HDX: variants seen among roughly 807,000 people sequenced by gnomAD.
The protein encoded by HDX is chromosome X open reading frame 43.
A neutral mutation model predicts 45.2 loss-of-function variants in HDX; 19 were observed. The ratio of observed to expected loss-of-function variants is 0.42; its 90% confidence interval spans 0.29 to 0.62. The LOEUF (loss-of-function observed/expected upper bound fraction) is 0.62. HDX is among the 20% of genes least tolerant of loss of function. HDX has a pLI of 0.20. For missense variants in HDX, 532 were observed against 493.9 expected (o/e 1.08, Z -0.73); for synonymous variants, 188 against 172.8 (o/e 1.09, Z -0.69).
chrX:84,366,802 A>G (rs1413413539), intron 5 of HDX, among the ~76,000 whole-genome samples: 1 of 112,092 alleles, frequency 8.9e-6, no homozygotes, highest in Non-Finnish European at 1.9e-5. Flanking sequence ...CCATATGCAG[A>G]AAACTGAAAC....
At chrX:84,493,441 T>C (rs1365188119) in intron 1 of HDX, among the ~76,000 whole-genome samples, 1 of 112,193 alleles carries the variant, frequency 8.9e-6, no homozygotes, top group Non-Finnish European at 1.9e-5. Context: ...ATTATGTAAT[T>C]AATATTCAGT....
chrX:84,475,595 C>G (rs1219571705), intron 2 of HDX, among the ~76,000 whole-genome samples, 198 bp from the exon 3 acceptor site: 1 of 111,057 alleles, frequency 9.0e-6, no homozygotes, highest in Non-Finnish European at 1.9e-5. Context: ...AGTGCAAACA[C>G]TTATTGAATT....
chrX:84,417,402 TAAG>T (rs941992891), intron 5 of HDX, among the ~76,000 whole-genome samples: 8 of 111,581 alleles, frequency 7.2e-5, no homozygotes, highest in African/African-American at 2.6e-4. Flanking sequence ...GAGAAATGGG[TAAG>T]AAGAACAATT....
chrX:84,413,934 G>T (rs1330934939), intron 5 of HDX, among the ~76,000 whole-genome samples: 1 of 111,232 alleles, frequency 9.0e-6, no homozygotes, highest in Non-Finnish European at 1.9e-5. Flanking sequence ...TGATTTAAAT[G>T]ATGAAAAATA....
At chrX:84,375,153 A>T (rs777384175) in intron 5 of HDX, among the ~76,000 whole-genome samples, 1 of 105,134 alleles carries the variant, frequency 9.5e-6, no homozygotes, top group Non-Finnish European at 1.9e-5. Context: ...AATGCTCACC[A>T]TCACTGGCCA....
intron 5 of HDX, among the ~76,000 whole-genome samples, chrX:84,420,188 T>G (rs1325496585): frequency 8.9e-6 from 1 of 112,134 alleles, no homozygotes; most frequent in Non-Finnish European, 1.9e-5. Flanking sequence ...AACAGAGATA[T>G]GCGAATTTTT....
At chrX:84,448,066 C>A (rs953597854) in intron 4 of HDX, among the ~76,000 whole-genome samples, 6 of 111,968 alleles carry the variant, frequency 5.4e-5, no homozygotes, top group Admixed American at 9.4e-5. Flanking sequence ...GACAGGCCTT[C>A]CTGGCTCAGC....
At chrX:84,426,879 T>C (rs913256153) in intron 5 of HDX, among the ~76,000 whole-genome samples, 1 of 110,725 alleles carries the variant, frequency 9.0e-6, no homozygotes, top group African/African-American at 3.3e-5. Context: ...TTTCATTATG[T>C]ATATCTATAT....
At chrX:84,370,291 A>G (rs966583388) in intron 5 of HDX, among the ~76,000 whole-genome samples, 2 of 111,572 alleles carry the variant, frequency 1.8e-5, no homozygotes, top group African/African-American at 6.5e-5. Flanking sequence ...GACTGAGACC[A>G]ATACTACATA....
chrX:84,410,671 T>G (rs970549984), intron 5 of HDX, among the ~76,000 whole-genome samples: 2 of 111,757 alleles, frequency 1.8e-5, no homozygotes, highest in Non-Finnish European at 3.8e-5. Context: ...AGGATAAAAC[T>G]AGCTACATAG....
intron 4 of HDX, 34 bp from the exon 5 acceptor site, chrX:84,440,619 AT>A: frequency 1.1e-6 from 1 of 936,603 alleles, no homozygotes; most frequent in South Asian, 2.1e-5. Context: ...TCAGTAAGCT[AT>A]TTATTGACAG....
intron 4 of HDX, among the ~76,000 whole-genome samples, chrX:84,466,052 A>G (rs1175867139): frequency 1.8e-5 from 2 of 112,117 alleles, no homozygotes; most frequent in Admixed American, 9.4e-5. Flanking sequence ...CAGGTCTGAT[A>G]TAGTATAACA....
intron 3 of HDX, among the ~76,000 whole-genome samples, chrX:84,473,717 T>C (rs895509112): frequency 9.2e-6 from 1 of 109,014 alleles, no homozygotes; most frequent in African/African-American, 3.4e-5. Flanking sequence ...ATATGAAAGA[T>C]TTTCACAATG....
chrX:84,364,300 TCTAAACTTTTCCA>T (rs1284373568), intron 5 of HDX, among the ~76,000 whole-genome samples: 1 of 109,961 alleles, frequency 9.1e-6, no homozygotes, highest in East Asian at 2.9e-4. Context: ...ATACTACAAA[TCTAAACTTTTCCA>T]CTTAATAGTG....
intron 1 of HDX, among the ~76,000 whole-genome samples, chrX:84,499,259 C>T (rs2041070452): frequency 9.0e-6 from 1 of 111,580 alleles, no homozygotes; most frequent in South Asian, 3.7e-4. Context: ...TCTCTCCCAA[C>T]TTAAACTCTA....
At chrX:84,327,560 A>G (rs949934118) in intron 9 of HDX, among the ~76,000 whole-genome samples, 2 of 111,885 alleles carry the variant, frequency 1.8e-5, no homozygotes, top group Non-Finnish European at 3.8e-5. Context: ...CTTTCAATAA[A>G]CAGTGGTTAA....
At chrX:84,473,328 A>G (rs2040486362) in intron 3 of HDX, among the ~76,000 whole-genome samples, 2 of 78,092 alleles carry the variant, frequency 2.6e-5, no homozygotes, top group African/African-American at 1.0e-4. Context: ...AGTAGAACAT[A>G]TAACTCTAGC....
At chrX:84,481,387 A>G (rs1049184610) in intron 2 of HDX, among the ~76,000 whole-genome samples, 1 of 111,420 alleles carries the variant, frequency 9.0e-6, no homozygotes, top group Non-Finnish European at 1.9e-5. Flanking sequence ...TCAATGTGCC[A>G]GATACAATGT....
At chrX:84,425,201 G>A (rs190292410) in intron 5 of HDX, among the ~76,000 whole-genome samples, 34 of 111,684 alleles carry the variant, frequency 3.0e-4, no homozygotes, top group African/African-American at 1.1e-3. Flanking sequence ...AAATGACAGA[G>A]ATATATGAAA....
Sources: allele counts gnomAD v4.1 joint callset (sites outside exome capture counted in the v4.1 genomes callset), GRCh38; gene constraint gnomAD v4.1.1; transcripts MANE v1.5; gene names NCBI Gene and HGNC (gene_info 2026-07-23, HGNC 2026-07-21).